Variants in LEKR1 observed in about 807,000 individuals in gnomAD.
The protein encoded by LEKR1 is protein LEKR1.
Under a neutral mutation model 72.4 loss-of-function variants are expected in LEKR1, and 59 were observed. That is an observed-to-expected ratio of 0.82 (90% CI 0.66 to 1.01). The LOEUF is 1.01. Ranked by LOEUF, LEKR1 falls within the 50% of genes least tolerant of loss-of-function variation. The probability of loss-of-function intolerance (pLI) is 0.00; values close to 1 mark genes in which losing one functional copy is unlikely to be tolerated. For missense variants in LEKR1, 728 were observed against 759.2 expected, an observed-to-expected ratio of 0.96 and a Z score of 0.48; for synonymous variants, 257 against 263.2, an observed-to-expected ratio of 0.98 and a Z score of 0.23.
chr3:156,951,318 A>ATT (rs1036747600), intron 6 of LEKR1, among the ~76,000 whole-genome samples: 33 of 150,706 alleles, frequency 2.2e-4, no homozygotes, highest in African/African-American at 7.1e-4. Flanking sequence ...ATTGGCCTGA[A>ATT]TTTTTTTGTG....
intron 2 of LEKR1, among the ~76,000 whole-genome samples, chr3:156,836,903 A>G (rs996043666): frequency 1.3e-5 from 2 of 152,222 alleles, no homozygotes; most frequent in Admixed American, 1.3e-4. Context: ...TTAGCTACTG[A>G]GCTACAGCAT....
intron 3 of LEKR1, among the ~76,000 whole-genome samples, chr3:156,892,246 ATAAT>A (rs781737086): frequency 8.4e-4 from 128 of 152,306 alleles, no homozygotes; most frequent in Non-Finnish European, 1.5e-3. Flanking sequence ...CTAAGCGTAG[ATAAT>A]TGATGTTATA....
chr3:156,940,879 C>T (rs999831014), intron 5 of LEKR1, among the ~76,000 whole-genome samples: 4 of 152,066 alleles, frequency 2.6e-5, no homozygotes, highest in Admixed American at 6.6e-5. Context: ...GGTGACACCA[C>T]GTGTGTGGTG....
rs2108022860 is a variant in LEKR1 at position 157,011,333 on chromosome 3, A to G, written c.1110-80A>G. 7 of 916,470 alleles carry G rather than the reference A, an allele frequency of 7.6e-6. No individual in the cohort carries two copies. The East Asian group carries it at 1.5e-4, about 19-fold the overall frequency. 56.8% of individuals were successfully genotyped at this position (916,470 alleles called of 1,614,324 possible). ...TAAACAGACTAAGTTTTGAAGTAAT[A>G]TCTCCCGACCCAGGAACTACAACTT... On this transcript the variant is annotated intron_variant, in intron 9 of 12. Transcript: ENST00000356539.
intron 9 of LEKR1, among the ~76,000 whole-genome samples, chr3:157,008,074 T>C: frequency 6.6e-6 from 1 of 152,212 alleles, no homozygotes; most frequent in East Asian, 1.9e-4. Context: ...TCTTTATTCC[T>C]TTCTCTTCAC....
chr3:157,022,899 A>G (rs1436359400), intron 10 of LEKR1, among the ~76,000 whole-genome samples: 1 of 152,202 alleles, frequency 6.6e-6, no homozygotes, highest in East Asian at 1.9e-4. Context: ...AAGAGCCAAA[A>G]TAACTCTTTG....
intron 3 of LEKR1, among the ~76,000 whole-genome samples, chr3:156,899,126 T>C (rs1438629345): frequency 6.6e-6 from 1 of 151,948 alleles, no homozygotes; most frequent in Non-Finnish European, 1.5e-5. Context: ...ACTATAATTT[T>C]GGAGCAGTCA....
intron 10 of LEKR1, among the ~76,000 whole-genome samples, chr3:157,023,126 T>A (rs1389138243): frequency 6.6e-6 from 1 of 151,920 alleles, no homozygotes; most frequent in Admixed American, 6.6e-5. Flanking sequence ...TCTTTCCCTG[T>A]CTTGGTGGCC....
intron 3 of LEKR1, among the ~76,000 whole-genome samples, chr3:156,907,407 T>G (rs1000454895): frequency 3.3e-5 from 5 of 152,136 alleles, no homozygotes; most frequent in African/African-American, 1.2e-4. Context: ...CAAGTCTACT[T>G]TATTATATTT....
intron 3 of LEKR1, among the ~76,000 whole-genome samples, chr3:156,869,687 C>T (rs1356437894): frequency 6.6e-6 from 1 of 151,932 alleles, no homozygotes; most frequent in East Asian, 1.9e-4. Flanking sequence ...GTTTCCTTTG[C>T]TGTGCAGAGG....
chr3:156,899,748 A>C (rs1721798730), intron 3 of LEKR1, among the ~76,000 whole-genome samples: 1 of 136,218 alleles, frequency 7.3e-6, no homozygotes, highest in Non-Finnish European at 1.6e-5. Flanking sequence ...ATATACATGC[A>C]TATATACACA....
intron 3 of LEKR1, among the ~76,000 whole-genome samples, chr3:156,882,126 G>A (rs1445850263): frequency 1.3e-5 from 2 of 149,484 alleles, no homozygotes; most frequent in South Asian, 2.2e-4. Flanking sequence ...AAAAGCAATG[G>A]CAACAAAAGA....
At chr3:156,898,428 G>T (rs745742099) in intron 3 of LEKR1, among the ~76,000 whole-genome samples, 1 of 152,074 alleles carries the variant, frequency 6.6e-6, no homozygotes, top group Non-Finnish European at 1.5e-5. Flanking sequence ...ATTTATTAAA[G>T]AATTCCCAGA....
chr3:156,858,681 A>T (rs2108540925), intron 3 of LEKR1, among the ~76,000 whole-genome samples: 1 of 148,384 alleles, frequency 6.7e-6, no homozygotes, highest in African/African-American at 2.6e-5. Context: ...TCTCAAAAAA[A>T]AAAAAAAAAA....
intron 6 of LEKR1, among the ~76,000 whole-genome samples, chr3:156,961,879 A>C (rs1017638193): frequency 6.6e-6 from 1 of 152,274 alleles, no homozygotes; most frequent in African/African-American, 2.4e-5. Context: ...ATATATTCAA[A>C]TGTATTTTAA....
At chr3:156,958,681 T>C (rs1297871705) in intron 6 of LEKR1, among the ~76,000 whole-genome samples, 1 of 152,284 alleles carries the variant, frequency 6.6e-6, no homozygotes, top group Middle Eastern at 3.4e-3. Flanking sequence ...CAAGTATTTA[T>C]TGGACATCTC....
chr3:156,880,212 G>A (rs1415653623), intron 3 of LEKR1, among the ~76,000 whole-genome samples: 3 of 152,226 alleles, frequency 2.0e-5, no homozygotes, highest in Non-Finnish European at 4.4e-5. Context: ...CAGGGGCGGA[G>A]CTGCCCAAGG....
At chr3:156,917,414 G>A (rs1723757695) in intron 3 of LEKR1, among the ~76,000 whole-genome samples, 1 of 151,946 alleles carries the variant, frequency 6.6e-6, no homozygotes, top group Non-Finnish European at 1.5e-5. Context: ...AATGACAAAA[G>A]ATTAACATGA....
At chr3:156,832,070 G>C (rs1712484731) in intron 2 of LEKR1, among the ~76,000 whole-genome samples, 1 of 152,224 alleles carries the variant, frequency 6.6e-6, no homozygotes, top group Non-Finnish European at 1.5e-5. Context: ...GGTAAGAGGA[G>C]TGAAACTGTC....
Sources: gnomAD v4.1 joint callset for allele counts (sites outside exome capture counted in the v4.1 genomes callset) on GRCh38, gnomAD v4.1.1 for gene constraint, MANE v1.5 for transcripts, NCBI Gene and HGNC (gene_info 2026-07-23, HGNC 2026-07-21) for gene names.